The following IRF2 variants were observed in gnomAD, a reference collection of about 807,000 sequenced individuals.
IRF2 encodes the protein interferon regulatory factor 2.
IRF2 carries 15 observed loss-of-function variants against 40.6 expected under a neutral mutation model. The observed-to-expected ratio is 0.37, with a 90% confidence interval of 0.25 to 0.57. The LOEUF is 0.57. IRF2 is among the 20% of genes least tolerant of loss of function. The pLI, the probability that IRF2 is intolerant of heterozygous loss-of-function variation, is 0.77. For synonymous variants in IRF2, 151 were observed against 165.5 expected, an observed-to-expected ratio of 0.91 and a Z score of 0.67; for missense variants, 317 against 455.7, an observed-to-expected ratio of 0.70 and a Z score of 2.77.
At chr4:184,444,640 A>T (rs1277853356) in intron 1 of IRF2, among the ~76,000 whole-genome samples, 1 of 152,252 alleles carries the variant, frequency 6.6e-6, no homozygotes, top group Non-Finnish European at 1.5e-5. Context: ...TGTTTAAAGA[A>T]AATGTAATAG....
chr4:184,396,417 T>C (rs1736460597), intron 7 of IRF2, among the ~76,000 whole-genome samples: 1 of 144,682 alleles, frequency 6.9e-6, no homozygotes, highest in Non-Finnish European at 1.5e-5. Context: ...CGCAGATCCA[T>C]ATATATATAT....
At chr4:184,424,055 C>T (rs536116163) in intron 2 of IRF2, among the ~76,000 whole-genome samples, 29 of 107,576 alleles carry the variant, frequency 2.7e-4, no homozygotes, top group South Asian at 6.1e-4. Flanking sequence ...ATACCAGATA[C>T]ACACAGATAC....
At chr4:184,412,668 G>C (rs559575714) in intron 5 of IRF2, among the ~76,000 whole-genome samples, 48 of 152,312 alleles carry the variant, frequency 3.2e-4, no homozygotes, top group African/African-American at 1.1e-3. Flanking sequence ...AGAAGCTCTC[G>C]TAAGACAGGC....
chr4:184,443,766 T>G (rs1738401246), intron 1 of IRF2, among the ~76,000 whole-genome samples: 1 of 152,198 alleles, frequency 6.6e-6, no homozygotes, highest in African/African-American at 2.4e-5. Context: ...AGTTCTATTT[T>G]TAGTTCTTTG....
At position 184,389,029 on chromosome 4, in the gene IRF2, T is replaced by G; in HGVS notation, c.779A>C (p.Lys260Thr). The stretch of plus-strand genomic sequence containing the variant: ...AGTCCCCATGTTGCTGAGGTACTGT[T>G]TGCCTTCAATATTCCTCTTCCGCCA... ...PHWRKRNIEG[K>T]QYLSNMGTRG... Residue 260 changes from lysine to threonine, a missense_variant, in exon 9 of 9, where the codon AAA (lysine) becomes ACA (threonine). By Grantham distance (78) the Lys-to-Thr change is moderately conservative (BLOSUM62 -1). This residue lies in a region of IRF2 where 262 missense variants were observed against 334.0 expected (regional missense o/e 0.78). Coordinates refer to ENST00000393593, the MANE Select transcript of IRF2 (RefSeq NM_002199.4). 1 of 1,614,216 alleles carries G rather than the reference T, an allele frequency of 6.2e-7. No individual in the cohort carries two copies. The highest frequency in any genetic ancestry group is 1.7e-5 in the Admixed American group (1 of 60,024).
At chr4:184,461,129 G>C (rs995443048) in intron 1 of IRF2, among the ~76,000 whole-genome samples, 91 of 152,188 alleles carry the variant, frequency 6.0e-4, no homozygotes, top group African/African-American at 2.1e-3. Flanking sequence ...CTCCCCACAA[G>C]GGAAGGGTAA....
At position 184,408,346 on chromosome 4, in the gene IRF2, C is replaced by A. The variant is rs1430262935; in HGVS notation, c.412-71G>T. The stretch of plus-strand genomic sequence containing the variant: ...CTCCCTTCTCTTAGCTGAAATTCTA[C>A]CCTCTGCCTACTTTCTTTAATGCTA... On this transcript the variant is annotated intron_variant, in intron 5 of 8. Transcript: ENST00000393593. The surrounding 1 kb of genome is among the most constrained non-coding windows in gnomAD (Gnocchi z 4.9). 6 of 934,566 alleles carry A rather than the reference C, an allele frequency of 6.4e-6. No individual in the cohort carries two copies. The African/African-American group carries it at 9.8e-5, about 15-fold the overall frequency. The allele number at this position is 934,566 out of a possible 1,614,324, so 57.9% of individuals were successfully genotyped here.
chr4:184,454,085 A>T (rs1399631483), intron 1 of IRF2, among the ~76,000 whole-genome samples: 1 of 152,180 alleles, frequency 6.6e-6, no homozygotes, highest in Non-Finnish European at 1.5e-5. Flanking sequence ...CCTGAAAATA[A>T]CCTGTTCTGA....
chr4:184,425,591 C>G (rs1333807209), intron 2 of IRF2, among the ~76,000 whole-genome samples: 2 of 152,262 alleles, frequency 1.3e-5, no homozygotes, highest in Non-Finnish European at 2.9e-5. Context: ...TGGCTCAGGT[C>G]CAGCTGTAGC....
chr4:184,443,730 G>C (rs1403965075), intron 1 of IRF2, among the ~76,000 whole-genome samples: 5 of 152,130 alleles, frequency 3.3e-5, no homozygotes, highest in African/African-American at 1.2e-4. Flanking sequence ...TATATACCCA[G>C]TAATGGAATT....
intron 1 of IRF2, among the ~76,000 whole-genome samples, chr4:184,469,557 C>G (rs1163511343): frequency 6.6e-6 from 1 of 152,156 alleles, no homozygotes; most frequent in Non-Finnish European, 1.5e-5. Context: ...TGCCTGTTGT[C>G]CCAGCTACTC....
chr4:184,461,979 C>T (rs1304412655), intron 1 of IRF2, among the ~76,000 whole-genome samples: 1 of 152,106 alleles, frequency 6.6e-6, no homozygotes, highest in African/African-American at 2.4e-5. Flanking sequence ...CCCAGGTGTC[C>T]AGCCTCCGTC....
In IRF2 at chr4:184,428,350, A is replaced by C. The variant is rs372759536; in HGVS notation, c.87+628T>G. Among the ~76,000 whole-genome samples the C allele has an allele frequency of 1.4e-3, 211 of 152,346 alleles. 1 individual carries two copies. The highest frequency in any genetic ancestry group is 5.0e-3 in the African/African-American group (207 of 41,586). ...TCCTAAAAGGCCAGGAGAAGCAAAA[A>C]AAAGGAATTTGGAGAAGGAAGAGGG... On this transcript the variant is annotated intron_variant, in intron 2 of 8. Coordinates refer to ENST00000393593, the MANE Select transcript of IRF2 (RefSeq NM_002199.4).
intron 1 of IRF2, among the ~76,000 whole-genome samples, chr4:184,470,996 A>AAC (rs35544769): frequency 0.25 from 37,831 of 151,986 alleles, 5,057 homozygotes; most frequent in South Asian, 0.32. Context: ...CTTTATATAA[A>AAC]AGTTATTCCA....
intron 1 of IRF2, among the ~76,000 whole-genome samples, chr4:184,467,402 T>C (rs535726824): frequency 3.5e-4 from 53 of 152,148 alleles, no homozygotes; most frequent in Non-Finnish European, 7.1e-4. Context: ...CAGCCTCCCA[T>C]TGCTATCCTT....
At chr4:184,460,028 A>C (rs974729671) in intron 1 of IRF2, among the ~76,000 whole-genome samples, 1 of 152,234 alleles carries the variant, frequency 6.6e-6, no homozygotes, top group African/African-American at 2.4e-5. Flanking sequence ...CAGGGACTCA[A>C]ACAGATACTT....
At chr4:184,472,620 A>C (rs752146555) in intron 1 of IRF2, 3 of 150,886 alleles carry the variant, frequency 2.0e-5, no homozygotes, top group Non-Finnish European at 4.4e-5. Context: ...AGAACAACTG[A>C]GTTTTTTCCT....
intron 5 of IRF2, among the ~76,000 whole-genome samples, chr4:184,416,347 A>AG (rs1309915105): frequency 6.6e-6 from 1 of 151,154 alleles, no homozygotes; most frequent in African/African-American, 2.4e-5. Flanking sequence ...AAAAAAACGA[A>AG]AAAAAAAACT....
chr4:184,391,190 G>C (rs894159391), intron 7 of IRF2, among the ~76,000 whole-genome samples: 3 of 152,184 alleles, frequency 2.0e-5, no homozygotes, highest in Non-Finnish European at 4.4e-5. Context: ...CACCCCTTTA[G>C]GACTTAGATC....
Sources: gnomAD v4.1 joint callset for allele counts (sites outside exome capture counted in the v4.1 genomes callset) on GRCh38, gnomAD v4.1.1 for gene constraint, gnomAD v4.1.1 regional missense constraint, Gnocchi (gnomAD v3.1) non-coding constraint, MANE v1.5 for transcripts, NCBI Gene and HGNC (gene_info 2026-07-23, HGNC 2026-07-21) for gene names.